Variants in ACSF3 observed in about 807,000 individuals in gnomAD.
The protein encoded by ACSF3 is acyl-CoA synthetase family member 3, also known as malonate--CoA ligase ACSF3, mitochondrial.
Under a neutral mutation model 53.2 loss-of-function variants are expected in ACSF3, and 78 were observed. The observed-to-expected ratio is 1.47, with a 90% CI of 1.22 to 1.77. The LOEUF (loss-of-function observed/expected upper bound fraction) is 1.77, where lower values mean the gene tolerates loss of function less well. Ranked by LOEUF, ACSF3 falls within the 40% of genes most tolerant of loss-of-function variation. ACSF3 has a pLI of 0.00. For missense variants in ACSF3, 937 were observed against 771.1 expected (o/e 1.22, Z -2.55); for synonymous variants, 414 against 333.1 (o/e 1.24, Z -2.65).
chr16:89,146,226 A>T (rs1462533919), intron 10 of ACSF3, among the ~76,000 whole-genome samples, 177 bp downstream of exon 10: 1 of 152,162 alleles, frequency 6.6e-6, no homozygotes, highest in Non-Finnish European at 1.5e-5. Context: ...AGACGAGGGC[A>T]GGGGGCAGGA....
chr16:89,133,239 C>A lies in ACSF3; in HGVS notation c.1343C>A (p.Thr448Asn). The change falls in exon 8 of 11, where the codon ACC (threonine) becomes AAC (asparagine). Residue 448 changes from threonine (T) to asparagine (N), a missense_variant. Transcript: ENST00000614302. ...CCAGAAGAAACTAAGAGTGCATTCA[C>A]CCTGGATGGCTGGTTTAAGACAGGT... ...NKPEETKSAFTLDGWFKTGDT... is the reference protein window; with the variant it reads ...NKPEETKSAFNLDGWFKTGDT... 6.2e-7 allele frequency: 1 copy of A among 1,614,142 alleles called. No homozygotes were observed. The highest frequency in any genetic ancestry group is 1.1e-5 in the South Asian group (1 of 91,086).
chr16:89,129,234 C>T (rs1232538059), intron 7 of ACSF3, among the ~76,000 whole-genome samples: 1 of 152,134 alleles, frequency 6.6e-6, no homozygotes, highest in East Asian at 1.9e-4. Flanking sequence ...TGTTCTGTTA[C>T]TAAGTGAGGG....
Position 89,145,407 on chromosome 16 carries a change from TG to T in ACSF3, c.1501+8del. ...GGCCCACCCCAGCATCACAGGTGCG[TG>T]GCCGGACTTGGGCCAGGGAGGCCAG... is the stretch of plus-strand genomic sequence containing the variant. On this transcript the variant is annotated splice_region_variant and intron_variant, in intron 9 of 10. Transcript: ENST00000614302. 1 of 1,613,974 alleles carries T rather than the reference TG, an allele frequency of 6.2e-7. No individual in the cohort carries two copies. The highest frequency in any genetic ancestry group is 8.5e-7 in the Non-Finnish European group (1 of 1,179,982).
intron 7 of ACSF3, 110 bp from the exon 8 acceptor site, chr16:89,133,026 G>A (rs1909656030): frequency 1.9e-5 from 28 of 1,498,872 alleles, no homozygotes; most frequent in Non-Finnish European, 2.2e-5. Context: ...CAGAAAGCAC[G>A]CGGCCCTGGG....
intron 7 of ACSF3, among the ~76,000 whole-genome samples, chr16:89,123,517 G>A (rs1035518119): frequency 6.6e-6 from 1 of 152,170 alleles, no homozygotes; most frequent in Admixed American, 6.5e-5. Flanking sequence ...CAGCTGGGCT[G>A]TCCGATCCAC....
At chr16:89,138,702 T>C (rs898309450) in intron 8 of ACSF3, among the ~76,000 whole-genome samples, 4 of 152,128 alleles carry the variant, frequency 2.6e-5, no homozygotes, top group Non-Finnish European at 2.9e-5. Context: ...AGCTGACTGA[T>C]GGGCCATGCT....
In ACSF3 at chr16:89,133,243, G is replaced by T. The variant is rs12447947; in HGVS notation, c.1347G>T (p.Leu449=). 6.2e-7 allele frequency: 1 copy of T among 1,613,970 alleles called. No homozygotes were observed. The highest frequency in any genetic ancestry group is 8.5e-7 in the Non-Finnish European group (1 of 1,179,920). Residue 449 remains leucine, a synonymous_variant, in exon 8 of 11, where the codon CTG becomes CTT. Transcript: ENST00000614302. The stretch of plus-strand genomic sequence containing the variant: ...AAGAAACTAAGAGTGCATTCACCCT[G>T]GATGGCTGGTTTAAGACAGGTAGGA... ...KPEETKSAFT[L]DGWFKTGDTV... is the part of the protein sequence containing the mutation.
At chr16:89,103,497 G>T (rs1351265997) in intron 4 of ACSF3, among the ~76,000 whole-genome samples, 2 of 152,224 alleles carry the variant, frequency 1.3e-5, no homozygotes, top group African/African-American at 4.8e-5. Context: ...CCGTAGTCAG[G>T]GCTCCCTCGG....
At chr16:89,115,302 A>G (rs1904916512) in intron 6 of ACSF3, 1 of 152,424 alleles carries the variant, frequency 6.6e-6, no homozygotes, top group Non-Finnish European at 1.5e-5. Context: ...CTCGCCTCAG[A>G]AACTCCCTTC....
At chr16:89,150,403 A>C (rs1469047778) in intron 10 of ACSF3, 6 of 153,184 alleles carry the variant, frequency 3.9e-5, no homozygotes. Flanking sequence ...TCGAGGGCTG[A>C]GAGCTGTGCT....
intron 1 of ACSF3, among the ~76,000 whole-genome samples, chr16:89,096,028 C>A (rs1159907540): frequency 1.3e-5 from 2 of 152,098 alleles, no homozygotes; most frequent in Non-Finnish European, 2.9e-5. Context: ...GATCTCAGAA[C>A]CTGATGGCTA....
chr16:89,100,230 G>A (rs1185708060), intron 2 of ACSF3, among the ~76,000 whole-genome samples: 1 of 152,268 alleles, frequency 6.6e-6, no homozygotes, highest in African/African-American at 2.4e-5. Context: ...CTGCCCCGGG[G>A]GCGGGGTCTC....
rs551423943 is a variant in ACSF3, at chr16:89,138,453, T to C, written c.1366+5191T>C. Among the ~76,000 whole-genome samples the C allele has an allele frequency of 1.4e-4, 21 of 152,340 alleles. No individual in the cohort carries two copies. In the South Asian group the frequency reaches 3.9e-3, roughly 29 times the overall value. ...GGCCCCAAGACCCAACCAAGGCTCG[T>C]CTGGCTGGTGCCAGCCTCTGCGCCA... is the stretch of plus-strand genomic sequence containing the variant. On this transcript the variant is annotated intron_variant, in intron 8 of 10. Coordinates refer to ENST00000614302, the MANE Select transcript of ACSF3 (RefSeq NM_001243279.3).
intron 4 of ACSF3, among the ~76,000 whole-genome samples, chr16:89,103,123 A>G (rs1342276583): frequency 2.6e-5 from 4 of 152,206 alleles, no homozygotes; most frequent in Non-Finnish European, 5.9e-5. Flanking sequence ...TCTCTTCAAA[A>G]TACCTTCCGG....
At position 89,095,970 on chromosome 16, in the gene ACSF3, G is replaced by A. The variant is rs770644236; in HGVS notation, c.-194+1974G>A. ...AGTTAGGAGGGAAAAGATGCATCCC[G>A]CTGCGCTGCATGTGTGTTCCCGAGA... On this transcript the variant is annotated intron_variant, in intron 1 of 10. Transcript: ENST00000614302. Among the ~76,000 whole-genome samples, 11 of 152,192 alleles carry A rather than the reference G, an allele frequency of 7.2e-5. No individual in the cohort carries two copies. In the East Asian group the frequency reaches 7.7e-4, roughly 11 times the overall value.
intron 8 of ACSF3, among the ~76,000 whole-genome samples, chr16:89,142,927 T>G (rs1912145580): frequency 6.6e-6 from 1 of 152,256 alleles, no homozygotes; most frequent in Admixed American, 6.5e-5. Context: ...ATTCATAAAT[T>G]AAGCTCATGT....
At position 89,128,972 on chromosome 16, in the gene ACSF3, G is replaced by A. The variant is rs865847089; in HGVS notation, c.1240-4164G>A. ...GAGACCCCATCTCTACAAAAAGTTG[G>A]AAAAAAAAAAATAGCTGGGCATGGT... On this transcript the variant is annotated intron_variant, in intron 7 of 10. Transcript: ENST00000614302. Among the ~76,000 whole-genome samples the A allele has an allele frequency of 5.9e-5, 9 of 151,294 alleles. No homozygotes were observed. The East Asian group carries it at 1.2e-3, about 20-fold the overall frequency.
chr16:89,101,315 G>GT lies in ACSF3; in HGVS notation c.635dup (p.Leu213AlafsTer57). ...TGGGACCACGGGGAGGCCCAAGGGC[G>GT]TGCTGAGCACGCACCAAAACATCAG... On this transcript the variant is annotated frameshift_variant, in exon 3 of 11. Coordinates refer to ENST00000614302, the MANE Select transcript of ACSF3 (RefSeq NM_001243279.3). LOFTEE classifies it high-confidence loss of function. 6.3e-7 allele frequency: 1 copy of GT among 1,598,142 alleles called. No individual in the cohort carries two copies. Among genetic ancestry groups the GT allele is most frequent in the Non-Finnish European group, 8.5e-7 (1 of 1,172,982 alleles).
chr16:89,118,624 G>A (rs974925448), intron 6 of ACSF3, among the ~76,000 whole-genome samples: 1 of 152,218 alleles, frequency 6.6e-6, no homozygotes, highest in African/African-American at 2.4e-5. Context: ...CCTGCTCCGT[G>A]CGGTTCCTGT....
Sources: gnomAD v4.1 joint callset for allele counts (sites outside exome capture counted in the v4.1 genomes callset) on GRCh38, gnomAD v4.1.1 for gene constraint, MANE v1.5 for transcripts, NCBI Gene and HGNC (gene_info 2026-07-23, HGNC 2026-07-21) for gene names.